The following ROBO2 variants were observed in gnomAD, a reference collection of about 807,000 sequenced individuals.
The protein encoded by ROBO2 is roundabout guidance receptor 2, also known as roundabout homolog 2.
ROBO2 carries 53 observed loss-of-function variants against 160.8 expected under a neutral mutation model. The observed-to-expected ratio is 0.33, with a 90% CI of 0.26 to 0.41. The LOEUF (loss-of-function observed/expected upper bound fraction) is 0.41. ROBO2 is among the 10% of genes least tolerant of loss of function. ROBO2 has a pLI of 1.00. For synonymous variants in ROBO2, 664 were observed against 611.7 expected (o/e 1.09, Z -1.26); for missense variants, 1,577 against 1,722.4 (o/e 0.92, Z 1.49).
At chr3:76,847,693 C>T (rs1408243341) in intron 2 of ROBO2, among the ~76,000 whole-genome samples, 1 of 152,052 alleles carries the variant, frequency 6.6e-6, no homozygotes, top group African/African-American at 2.4e-5. Context: ...TGGTATTCCC[C>T]TTTCTCAGTA....
At chr3:76,015,017 A>C (rs1462786405) in intron 2 of ROBO2, among the ~76,000 whole-genome samples, 2 of 152,194 alleles carry the variant, frequency 1.3e-5, no homozygotes, top group Non-Finnish European at 2.9e-5. Context: ...ATCAATCTGT[A>C]TTTCCATAAA....
At chr3:75,913,129 A>G (rs768280376) in intron 1 of ROBO2, among the ~76,000 whole-genome samples, 5 of 152,074 alleles carry the variant, frequency 3.3e-5, no homozygotes, top group African/African-American at 1.2e-4. Flanking sequence ...ACCTGTATTC[A>G]TTGTCTTTTA....
intron 2 of ROBO2, among the ~76,000 whole-genome samples, chr3:76,143,277 C>A (rs967602529): frequency 6.6e-6 from 1 of 152,038 alleles, no homozygotes; most frequent in African/African-American, 2.4e-5. Flanking sequence ...GGAGTCGTCT[C>A]TCCTCTGCCT....
chr3:76,303,256 G>T (rs1431370570), intron 2 of ROBO2, among the ~76,000 whole-genome samples: 1 of 151,884 alleles, frequency 6.6e-6, no homozygotes, highest in African/African-American at 2.4e-5. Flanking sequence ...TGCAACTTAG[G>T]TTAACTATGT....
At chr3:76,856,519 T>C (rs911806573) in intron 2 of ROBO2, among the ~76,000 whole-genome samples, 1 of 152,200 alleles carries the variant, frequency 6.6e-6, no homozygotes, top group African/African-American at 2.4e-5. Flanking sequence ...GTTGTATATT[T>C]GATCTTTAGC....
At chr3:76,212,390 G>A (rs952503661) in intron 2 of ROBO2, among the ~76,000 whole-genome samples, 2 of 151,674 alleles carry the variant, frequency 1.3e-5, no homozygotes, top group African/African-American at 2.4e-5. Flanking sequence ...GAGGGACAGG[G>A]CCCGAGATAA....
At chr3:75,977,035 G>A (rs2107411754) in intron 2 of ROBO2, among the ~76,000 whole-genome samples, 1 of 151,650 alleles carries the variant, frequency 6.6e-6, no homozygotes, top group South Asian at 2.1e-4. Context: ...TTTATAATGT[G>A]TTGTGTTGAA....
At chr3:76,942,728 C>T (rs1040810769) in intron 2 of ROBO2, among the ~76,000 whole-genome samples, 4 of 152,202 alleles carry the variant, frequency 2.6e-5, no homozygotes, top group East Asian at 1.9e-4. Context: ...ACTACTATTG[C>T]CTCTTTGACA....
intron 2 of ROBO2, among the ~76,000 whole-genome samples, chr3:77,291,095 T>G (rs1682330136): frequency 6.7e-6 from 1 of 150,278 alleles, no homozygotes; most frequent in African/African-American, 2.5e-5. Flanking sequence ...AATTGACGGG[T>G]AAACGGGTAA....
At chr3:76,663,816 A>G (rs2110080888) in intron 2 of ROBO2, among the ~76,000 whole-genome samples, 1 of 152,200 alleles carries the variant, frequency 6.6e-6, no homozygotes, top group African/African-American at 2.4e-5. Context: ...AGGCAGGAGA[A>G]TCGCTTGAAC....
chr3:76,791,472 C>T (rs1319188193), intron 2 of ROBO2, among the ~76,000 whole-genome samples: 1 of 151,068 alleles, frequency 6.6e-6, no homozygotes, highest in East Asian at 1.9e-4. Flanking sequence ...TCTCTTTTCT[C>T]TCTCTCTCTC....
chr3:77,216,492 G>C (rs756603795), intron 2 of ROBO2, among the ~76,000 whole-genome samples: 3 of 152,224 alleles, frequency 2.0e-5, no homozygotes, highest in Non-Finnish European at 4.4e-5. Context: ...TCTCTGACTA[G>C]GAAAGGGAAC....
At chr3:76,929,683 A>G in intron 2 of ROBO2, among the ~76,000 whole-genome samples, 1 of 152,138 alleles carries the variant, frequency 6.6e-6, no homozygotes, top group East Asian at 1.9e-4. Context: ...AAGAGACTCC[A>G]GTGTGTGTGG....
chr3:77,297,109 C>T (rs1213129948), intron 2 of ROBO2, among the ~76,000 whole-genome samples: 2 of 151,932 alleles, frequency 1.3e-5, no homozygotes, highest in Non-Finnish European at 2.9e-5. Flanking sequence ...GGTCCATAGT[C>T]ATTAGATCAG....
At chr3:76,951,958 T>C (rs2078983892) in intron 2 of ROBO2, among the ~76,000 whole-genome samples, 1 of 152,226 alleles carries the variant, frequency 6.6e-6, no homozygotes, top group Non-Finnish European at 1.5e-5. Context: ...CTTCCCCAGC[T>C]TTGTCTTGCA....
At chr3:77,351,864 T>C (rs1044538742) in intron 2 of ROBO2, among the ~76,000 whole-genome samples, 1 of 151,288 alleles carries the variant, frequency 6.6e-6, no homozygotes, top group East Asian at 2.0e-4. Context: ...ACCAAACACC[T>C]CATGTTCTCA....
chr3:76,770,834 A>G (rs1385466696), intron 2 of ROBO2, among the ~76,000 whole-genome samples: 1 of 151,282 alleles, frequency 6.6e-6, no homozygotes, highest in Non-Finnish European at 1.5e-5. Flanking sequence ...ATTTTATCCT[A>G]CAAGTTAGTG....
chr3:77,614,726 C>G (rs976698675), intron 21 of ROBO2, among the ~76,000 whole-genome samples: 3 of 141,398 alleles, frequency 2.1e-5, no homozygotes, highest in Non-Finnish European at 4.7e-5. Flanking sequence ...CCCAAAAAAC[C>G]AACCAACCAA....
At chr3:76,257,539 G>A (rs1416564259) in intron 2 of ROBO2, among the ~76,000 whole-genome samples, 1 of 152,130 alleles carries the variant, frequency 6.6e-6, no homozygotes, top group African/African-American at 2.4e-5. Flanking sequence ...GCCACCAAAT[G>A]CATAGTTATT....
Sources: allele counts gnomAD v4.1 joint callset (sites outside exome capture counted in the v4.1 genomes callset), GRCh38; gene constraint gnomAD v4.1.1; transcripts MANE v1.5; gene names NCBI Gene and HGNC (gene_info 2026-07-23, HGNC 2026-07-21).